The following PLPP4 variants were observed in gnomAD, a reference collection of about 807,000 sequenced individuals.
PLPP4 encodes the protein diacylglycerol pyrophosphate like 2.
PLPP4 carries 20 observed loss-of-function variants against 32.2 expected under a neutral mutation model. That is an observed-to-expected ratio of 0.62 (90% confidence interval 0.44 to 0.90). PLPP4 has a LOEUF of 0.90. Among genes scored for constraint, PLPP4 ranks in the 40% least tolerant of loss-of-function variants. PLPP4 has a pLI of 0.00. For synonymous variants in PLPP4, 127 were observed against 133.0 expected (o/e 0.95, Z 0.31); for missense variants, 257 against 353.1 (o/e 0.73, Z 2.18).
At chr10:120,462,777 C>A (rs1395580090) in intron 1 of PLPP4, among the ~76,000 whole-genome samples, 1 of 144,486 alleles carries the variant, frequency 6.9e-6, no homozygotes, top group Non-Finnish European at 1.6e-5. Flanking sequence ...GGGCTCCTTC[C>A]ATCCGCTGCC....
chr10:120,554,583 G>C (rs1011115806), intron 5 of PLPP4, among the ~76,000 whole-genome samples: 2 of 152,148 alleles, frequency 1.3e-5, no homozygotes, highest in Admixed American at 6.5e-5. Flanking sequence ...TCAAACTGCA[G>C]TAAAGAACTA....
chr10:120,571,105 T>TGTGTGA (rs1848917211), intron 5 of PLPP4, among the ~76,000 whole-genome samples: 1 of 67,694 alleles, frequency 1.5e-5, no homozygotes, highest in South Asian at 3.2e-4. Flanking sequence ...TGTGTGTGTG[T>TGTGTGA]GTGTGTGTGT....
chr10:120,562,722 A>C (rs1303737833), intron 5 of PLPP4, among the ~76,000 whole-genome samples: 1 of 152,174 alleles, frequency 6.6e-6, no homozygotes, highest in Non-Finnish European at 1.5e-5. Context: ...CCTGGAATTA[A>C]CCTACCTTGG....
At chr10:120,527,154 GCAAT>G (rs1589821241) in intron 5 of PLPP4, among the ~76,000 whole-genome samples, 2 of 152,106 alleles carry the variant, frequency 1.3e-5, no homozygotes, top group Non-Finnish European at 1.5e-5. Flanking sequence ...ATCTATCTTA[GCAAT>G]CAATCAATTG....
chr10:120,493,995 G>A (rs368139461), intron 1 of PLPP4, among the ~76,000 whole-genome samples: 7 of 152,216 alleles, frequency 4.6e-5, no homozygotes, highest in South Asian at 2.1e-4. Flanking sequence ...ATAATTCCAC[G>A]AGCTAGCAGG....
intron 1 of PLPP4, among the ~76,000 whole-genome samples, chr10:120,500,863 T>G (rs2133860443): frequency 6.6e-6 from 1 of 152,310 alleles, no homozygotes; most frequent in East Asian, 1.9e-4. Context: ...AATGTGTGTG[T>G]GGGAAGAGGT....
intron 1 of PLPP4, among the ~76,000 whole-genome samples, chr10:120,472,372 T>C (rs992907782): frequency 2.0e-5 from 3 of 152,140 alleles, no homozygotes; most frequent in Non-Finnish European, 4.4e-5. Context: ...GAATTTTCGG[T>C]TGACAGTCGT....
At chr10:120,581,181 C>T (rs1204439152) in intron 6 of PLPP4, 20 of 985,338 alleles carry the variant, frequency 2.0e-5, no homozygotes, top group Non-Finnish European at 2.3e-5. Flanking sequence ...ATGTAATTCC[C>T]AGGGAAGATG....
At chr10:120,537,192 C>G (rs1258433922) in intron 5 of PLPP4, among the ~76,000 whole-genome samples, 1 of 152,088 alleles carries the variant, frequency 6.6e-6, no homozygotes, top group Non-Finnish European at 1.5e-5. Flanking sequence ...CTTCTGAGTC[C>G]ATATCCAAAG....
intron 5 of PLPP4, among the ~76,000 whole-genome samples, chr10:120,521,950 T>G (rs897327484): frequency 3.3e-5 from 5 of 152,258 alleles, no homozygotes; most frequent in African/African-American, 1.2e-4. Context: ...TCCTGAGTAT[T>G]CTGGCTTGTG....
At chr10:120,492,493 A>G (rs1451593733) in intron 1 of PLPP4, among the ~76,000 whole-genome samples, 1 of 152,224 alleles carries the variant, frequency 6.6e-6, no homozygotes, top group South Asian at 2.1e-4. Flanking sequence ...CAACTCCTGC[A>G]GGAAGGGAAG....
At chr10:120,586,849 A>G (rs1392435456) in intron 6 of PLPP4, among the ~76,000 whole-genome samples, 1 of 152,106 alleles carries the variant, frequency 6.6e-6, no homozygotes, top group Non-Finnish European at 1.5e-5. Flanking sequence ...TGTAACTGGG[A>G]GACTTGGTCT....
At chr10:120,539,000 T>C (rs925820085) in intron 5 of PLPP4, among the ~76,000 whole-genome samples, 1 of 152,182 alleles carries the variant, frequency 6.6e-6, no homozygotes, top group Admixed American at 6.5e-5. Context: ...ACAGGAGATA[T>C]TGCTTCTCTT....
intron 4 of PLPP4, 55 bp from the exon 5 acceptor site, chr10:120,520,916 G>A: frequency 6.2e-7 from 1 of 1,606,910 alleles, no homozygotes; most frequent in South Asian, 1.1e-5. Context: ...GTCAGCTTGG[G>A]GTCATTTGTG....
chr10:120,484,612 T>G (rs1844359089), intron 1 of PLPP4, among the ~76,000 whole-genome samples: 1 of 152,240 alleles, frequency 6.6e-6, no homozygotes, highest in Non-Finnish European at 1.5e-5. Flanking sequence ...AAAGTTCCCA[T>G]GTCTTAATAT....
chr10:120,584,628 C>T (rs920918438), intron 6 of PLPP4, among the ~76,000 whole-genome samples: 5 of 152,192 alleles, frequency 3.3e-5, no homozygotes, highest in Non-Finnish European at 5.9e-5. Flanking sequence ...CCAATAAGGG[C>T]TTTCTTGTCC....
chr10:120,528,955 A>G (rs967437458), intron 5 of PLPP4, among the ~76,000 whole-genome samples: 1 of 148,416 alleles, frequency 6.7e-6, no homozygotes, highest in African/African-American at 2.5e-5. Flanking sequence ...ACATCAGCAT[A>G]CTAGGCAAGA....
At chr10:120,581,901 G>A (rs764337291) in intron 6 of PLPP4, among the ~76,000 whole-genome samples, 4 of 152,172 alleles carry the variant, frequency 2.6e-5, no homozygotes, top group African/African-American at 4.8e-5. Context: ...ACAGGGGTTG[G>A]CAAACTTTGT....
At chr10:120,518,941 C>T in intron 4 of PLPP4, 45 bp downstream of exon 4, 1 of 1,524,120 alleles carries the variant, frequency 6.6e-7, no homozygotes, top group Non-Finnish European at 9.1e-7. Context: ...CTATCAAGGT[C>T]ATCTATATAG....
Sources: gnomAD v4.1 joint callset for allele counts (sites outside exome capture counted in the v4.1 genomes callset) on GRCh38, gnomAD v4.1.1 for gene constraint, MANE v1.5 for transcripts, NCBI Gene and HGNC (gene_info 2026-07-23, HGNC 2026-07-21) for gene names.